Variants in THSD7B observed in about 807,000 individuals in gnomAD.
The protein encoded by THSD7B is thrombospondin type 1 domain containing 7B, also known as thrombospondin type-1 domain-containing protein 7B.
THSD7B carries 138 observed loss-of-function variants against 213.6 expected under a neutral mutation model. That is an observed-to-expected ratio of 0.65 (90% CI 0.56 to 0.74). THSD7B has a LOEUF of 0.74. THSD7B is among the 30% of genes least tolerant of loss of function. THSD7B has a pLI of 0.00. For synonymous variants in THSD7B, 742 were observed against 687.0 expected, an observed-to-expected ratio of 1.08 and a Z score of -1.25; for missense variants, 1,931 against 1,991.5, an observed-to-expected ratio of 0.97 and a Z score of 0.58.
At chr2:136,798,683 G>A (rs961674601) in intron 1 of THSD7B, among the ~76,000 whole-genome samples, 1 of 151,866 alleles carries the variant, frequency 6.6e-6, no homozygotes, top group African/African-American at 2.4e-5. Flanking sequence ...CCTCCAAACT[G>A]GCCAGTAAAC....
chr2:137,206,185 T>TA (rs1680980304), intron 7 of THSD7B, among the ~76,000 whole-genome samples: 1 of 152,050 alleles, frequency 6.6e-6, no homozygotes, highest in Non-Finnish European at 1.5e-5. Context: ...GTAGTCATCT[T>TA]ACAACTGTGT....
At chr2:137,025,542 T>C (rs973976761) in intron 2 of THSD7B, among the ~76,000 whole-genome samples, 1 of 152,142 alleles carries the variant, frequency 6.6e-6, no homozygotes, top group African/African-American at 2.4e-5. Context: ...TGTGGAGTTT[T>C]TTTATTTGCA....
In THSD7B at chr2:137,232,968, A is replaced by G; in HGVS notation, c.1985A>G (p.Gln662Arg). The G allele has an allele frequency of 6.2e-7, 1 of 1,613,966 alleles. No individual in the cohort carries two copies. Among genetic ancestry groups the G allele is most frequent in the Non-Finnish European group, 8.5e-7 (1 of 1,179,848 alleles). ...TTGTGTAATGACCATTCCTGTATGCAGCTTCACTGGGAGACATCGCCTTGG... is the reference window on the plus strand; with the variant it reads ...TTGTGTAATGACCATTCCTGTATGCGGCTTCACTGGGAGACATCGCCTTGG... Reference protein sequence around the residue: ...HRLCNDHSCMQLHWETSPWGP... With the variant: ...HRLCNDHSCMRLHWETSPWGP... Residue 662 changes from glutamine (Q) to arginine (R), a missense_variant, in exon 9 of 28, where the codon CAG becomes CGG. Physicochemically the swap from Gln to Arg is conservative, Grantham distance 43. Coordinates refer to ENST00000409968, the MANE Select transcript of THSD7B (RefSeq NM_001316349.2).
intron 11 of THSD7B, among the ~76,000 whole-genome samples, chr2:137,273,092 T>A (rs1682786748): frequency 6.6e-6 from 1 of 151,742 alleles, no homozygotes; most frequent in Admixed American, 6.6e-5. Flanking sequence ...ACCTTCATTC[T>A]ATTGTTCTCA....
chr2:137,324,188 C>T (rs1018372425), intron 12 of THSD7B, among the ~76,000 whole-genome samples: 8 of 152,222 alleles, frequency 5.3e-5, no homozygotes, highest in African/African-American at 1.4e-4. Flanking sequence ...TTTTTGATTA[C>T]TTCTCTGTGT....
At position 137,344,679 on chromosome 2, in the gene THSD7B, T is replaced by A. The variant is rs1684836819; in HGVS notation, c.2501-60934T>A. Reference sequence around the variant, plus strand: ...AGTTTGGACGAACCATTTTCTCTCATTATGACATAGAAATGAACTCCTAAA... The same window carrying A: ...AGTTTGGACGAACCATTTTCTCTCAATATGACATAGAAATGAACTCCTAAA... On this transcript the variant is annotated intron_variant, in intron 12 of 27. Transcript: ENST00000409968. 2.0e-5 allele frequency among the ~76,000 whole-genome samples: 3 copies of A among 151,542 alleles called. No homozygotes were observed. In the South Asian group the frequency reaches 6.2e-4, roughly 31 times the overall value.
At chr2:136,983,507 T>C (rs959188759) in intron 2 of THSD7B, among the ~76,000 whole-genome samples, 1 of 151,908 alleles carries the variant, frequency 6.6e-6, no homozygotes, top group African/African-American at 2.4e-5. Context: ...AATCTGTTTT[T>C]TTTTTTTTTT....
rs191808519 is a variant in THSD7B at position 136,788,075 on chromosome 2, C to T, written c.-36+22388C>T. ...AGTATAAGGCAGGATCGTGTTGAAG[C>T]CAACTGGAGGGTAAGGTTAAGAAAT... On this transcript the variant is annotated intron_variant, in intron 1 of 27. Coordinates refer to ENST00000409968, the MANE Select transcript of THSD7B (RefSeq NM_001316349.2). Among the ~76,000 whole-genome samples, 818 of 152,254 alleles carry T rather than the reference C, an allele frequency of 5.4e-3. 12 individuals carry two copies. Among genetic ancestry groups the T allele is most frequent in the African/African-American group, 0.019 (776 of 41,556 alleles).
At chr2:137,397,129 C>T (rs1057173558) in intron 12 of THSD7B, among the ~76,000 whole-genome samples, 1 of 151,418 alleles carries the variant, frequency 6.6e-6, no homozygotes, top group African/African-American at 2.4e-5. Context: ...GTTTGCCAGT[C>T]TGTATCTTTT....
intron 9 of THSD7B, among the ~76,000 whole-genome samples, 171 bp downstream of exon 9, chr2:137,233,304 C>T (rs764332472): frequency 3.3e-5 from 5 of 152,110 alleles, no homozygotes; most frequent in African/African-American, 7.2e-5. Context: ...CAAAGATAAA[C>T]GTGTTTATGA....
At chr2:137,509,298 C>T (rs1467097726) in intron 15 of THSD7B, among the ~76,000 whole-genome samples, 1 of 147,970 alleles carries the variant, frequency 6.8e-6, no homozygotes, top group African/African-American at 2.5e-5. Flanking sequence ...TCCCTCCTTT[C>T]CTTCTTTCCT....
At chr2:137,292,918 C>T (rs1296749474) in intron 12 of THSD7B, among the ~76,000 whole-genome samples, 1 of 152,028 alleles carries the variant, frequency 6.6e-6, no homozygotes, top group Non-Finnish European at 1.5e-5. Context: ...CTATCTTTAC[C>T]AGTTACCCAG....
intron 2 of THSD7B, among the ~76,000 whole-genome samples, chr2:137,003,823 T>G (rs577881871): frequency 1.3e-5 from 2 of 152,262 alleles, no homozygotes; most frequent in African/African-American, 4.8e-5. Flanking sequence ...TCACAAAGCA[T>G]TGAAGTAAGT....
At chr2:136,984,232 G>A (rs1685633387) in intron 2 of THSD7B, among the ~76,000 whole-genome samples, 1 of 152,130 alleles carries the variant, frequency 6.6e-6, no homozygotes, top group South Asian at 2.1e-4. Flanking sequence ...GGAATGGACA[G>A]GTTTGTTGAT....
At chr2:137,025,393 A>G (rs1018760227) in intron 2 of THSD7B, among the ~76,000 whole-genome samples, 2 of 152,132 alleles carry the variant, frequency 1.3e-5, no homozygotes, top group East Asian at 3.9e-4. Context: ...CCCAGCTCAT[A>G]GGACATGGCT....
At chr2:137,510,597 G>A (rs1319253165) in intron 15 of THSD7B, among the ~76,000 whole-genome samples, 2 of 152,004 alleles carry the variant, frequency 1.3e-5, no homozygotes, top group African/African-American at 4.8e-5. Context: ...TAGCATTTGT[G>A]TTATTTTTCT....
At chr2:136,911,002 C>G (rs1684249136) in intron 2 of THSD7B, among the ~76,000 whole-genome samples, 1 of 151,774 alleles carries the variant, frequency 6.6e-6, no homozygotes, top group Non-Finnish European at 1.5e-5. Flanking sequence ...TTTAAGGTAC[C>G]TTAATTATAG....
rs775109395 is a variant in THSD7B, at chr2:137,136,166, G to A, written c.1369+20873G>A. On this transcript the variant is annotated intron_variant, in intron 5 of 27. Transcript: ENST00000409968. Reference sequence around the variant, plus strand: ...CCTGCTGGGGGGTGAGGGGGCAAGGGGAGGGATAGCATTAGGAGAAATATT... The same window carrying A: ...CCTGCTGGGGGGTGAGGGGGCAAGGAGAGGGATAGCATTAGGAGAAATATT... Among the ~76,000 whole-genome samples, 11 of 152,236 alleles carry A rather than the reference G, an allele frequency of 7.2e-5. No homozygotes were observed. The Middle Eastern group carries it at 0.01, about 141-fold the overall frequency.
intron 10 of THSD7B, among the ~76,000 whole-genome samples, chr2:137,245,918 T>C (rs1264748126): frequency 6.6e-6 from 1 of 152,188 alleles, no homozygotes; most frequent in African/African-American, 2.4e-5. Context: ...AGATTCTAAT[T>C]CAATAGACCG....
Sources: gnomAD v4.1 joint callset for allele counts (sites outside exome capture counted in the v4.1 genomes callset) on GRCh38, gnomAD v4.1.1 for gene constraint, MANE v1.5 for transcripts, NCBI Gene and HGNC (gene_info 2026-07-23, HGNC 2026-07-21) for gene names.